The following AFF2 variants were observed in gnomAD, a reference collection of about 807,000 sequenced individuals.
The protein encoded by AFF2 is AF4/FMR2 family member 2.
In AFF2, 14 loss-of-function variants were observed where a neutral mutation model predicts 76.9. The ratio of observed to expected loss-of-function variants is 0.18; its 90% CI spans 0.12 to 0.28. The LOEUF (loss-of-function observed/expected upper bound fraction) is 0.28. Ranked by LOEUF, AFF2 falls within the 10% of genes least tolerant of loss-of-function variation. The pLI is 1.00. For missense variants in AFF2, 868 were observed against 1,001.1 expected, an observed-to-expected ratio of 0.87 and a Z score of 1.79; for synonymous variants, 398 against 366.7, an observed-to-expected ratio of 1.09 and a Z score of -0.98.
intron 4 of AFF2, among the ~76,000 whole-genome samples, chrX:148,833,197 G>A: frequency 9.0e-6 from 1 of 111,533 alleles, no homozygotes; most frequent in Admixed American, 9.5e-5. Flanking sequence ...CTAGCACAGT[G>A]ACTTTCCCCA....
intron 1 of AFF2, among the ~76,000 whole-genome samples, chrX:148,540,407 C>CTTTTTTTTTTTTTTTTTTT (rs113746311): frequency 1.1e-5 from 1 of 94,119 alleles, no homozygotes; most frequent in African/African-American, 3.9e-5. Context: ...AAAAAGTGAC[C>CTTTTTTTTTTTTTTTTTTT]TTTTTTTTTT....
At chrX:148,647,314 G>T (rs2054153734) in intron 1 of AFF2, among the ~76,000 whole-genome samples, 1 of 112,501 alleles carries the variant, frequency 8.9e-6, no homozygotes, top group African/African-American at 3.2e-5. Flanking sequence ...TATATTAGCA[G>T]TATTTTAAAA....
In AFF2 at chrX:149,000,032, G is replaced by C. The variant is rs2072657787; in HGVS notation, c.*8700G>C. ...GCCTATGCTCCCTCCCAAGTAAGTA[G>C]AGGAGCAGAACCATCAGGAACAGCC... On this transcript the variant is annotated 3_prime_UTR_variant, in exon 21 of 21. Transcript: ENST00000370460. 9.0e-6 allele frequency: 1 copy of C among 111,692 alleles called. No homozygotes were observed. Among genetic ancestry groups the C allele is most frequent in the Non-Finnish European group, 1.9e-5 (1 of 53,119 alleles). The allele number at this position is 111,692 out of a possible 1,213,427, so 9.2% of individuals were successfully genotyped here.
At chrX:148,852,844 A>G (rs1557275521) in intron 7 of AFF2, among the ~76,000 whole-genome samples, 1 of 112,153 alleles carries the variant, frequency 8.9e-6, no homozygotes, top group African/African-American at 3.2e-5. Flanking sequence ...CAATGCTGGT[A>G]GTCATATTTG....
At chrX:148,928,644 C>A (rs1403174233) in intron 9 of AFF2, among the ~76,000 whole-genome samples, 1 of 111,971 alleles carries the variant, frequency 8.9e-6, no homozygotes, top group East Asian at 2.8e-4. Context: ...TTTGGGGAGC[C>A]CATAGAGGCT....
chrX:148,793,318 C>G (rs1335078338), intron 3 of AFF2, among the ~76,000 whole-genome samples: 2 of 111,850 alleles, frequency 1.8e-5, no homozygotes, highest in Non-Finnish European at 1.9e-5. Flanking sequence ...AAAAGGTGCC[C>G]ACAGACTTTG....
At position 148,662,663 on chromosome X, in the gene AFF2, G is replaced by A. The variant is rs150391518; in HGVS notation, c.936G>A (p.Glu312=). Residue 312 remains glutamate (E), a synonymous_variant, in exon 3 of 21, where the codon GAG becomes GAA. Transcript: ENST00000370460. ...SPTLKPSIEF[E]NSFGNLSFGT... Reference sequence around the variant, plus strand: ...CACTGAAACCTTCAATTGAATTTGAGAACAGCTTTGGGAATCTGTCATTTG... The same window carrying A: ...CACTGAAACCTTCAATTGAATTTGAAAACAGCTTTGGGAATCTGTCATTTG... 5.5e-5 allele frequency: 67 copies of A among 1,210,454 alleles called. No individual in the cohort carries two copies. Among genetic ancestry groups the A allele is most frequent in the Non-Finnish European group, 7.4e-5 (66 of 895,365 alleles).
chrX:148,622,680 C>T (rs1005669774), intron 1 of AFF2, among the ~76,000 whole-genome samples: 1 of 111,513 alleles, frequency 9.0e-6, no homozygotes, highest in Non-Finnish European at 1.9e-5. Context: ...TGCTCAAGAG[C>T]TCTAAGTCAA....
chrX:148,518,008 G>A (rs1603228364), intron 1 of AFF2, among the ~76,000 whole-genome samples: 1 of 101,369 alleles, frequency 9.9e-6, no homozygotes, highest in Admixed American at 1.1e-4. Flanking sequence ...GGGCGACAGT[G>A]CATGACTCCG....
At chrX:148,874,874 T>C (rs1357696490) in intron 7 of AFF2, among the ~76,000 whole-genome samples, 2 of 111,903 alleles carry the variant, frequency 1.8e-5, no homozygotes, top group Admixed American at 9.5e-5. Flanking sequence ...TTGCCGCAAG[T>C]TGAAATTTGG....
intron 1 of AFF2, among the ~76,000 whole-genome samples, chrX:148,610,861 A>C (rs1557249400): frequency 1.8e-5 from 2 of 111,756 alleles, no homozygotes; most frequent in African/African-American, 6.5e-5. Flanking sequence ...TTTAAAATAT[A>C]TTTTATTTCT....
chrX:148,730,203 A>G (rs1264431402), intron 3 of AFF2, among the ~76,000 whole-genome samples: 1 of 112,094 alleles, frequency 8.9e-6, no homozygotes, highest in Non-Finnish European at 1.9e-5. Flanking sequence ...ATTTTATTTT[A>G]TAACATAAAT....
chrX:148,660,928 T>A (rs1202237017), intron 2 of AFF2, among the ~76,000 whole-genome samples: 2 of 112,580 alleles, frequency 1.8e-5, no homozygotes, highest in African/African-American at 6.5e-5. Flanking sequence ...CCACCATTTT[T>A]TAGTCATGAT....
intron 15 of AFF2, among the ~76,000 whole-genome samples, chrX:148,971,968 C>T (rs2072267191): frequency 4.3e-5 from 1 of 23,380 alleles, no homozygotes; most frequent in Non-Finnish European, 7.5e-5. Context: ...ATTCCCCTTC[C>T]TGTGTCCATG....
intron 3 of AFF2, among the ~76,000 whole-genome samples, chrX:148,707,498 T>A (rs868968861): frequency 9.1e-6 from 1 of 110,086 alleles, no homozygotes; most frequent in Non-Finnish European, 1.9e-5. Context: ...TATATATATT[T>A]TTTTTCCTTT....
At chrX:148,630,809 G>A (rs1557252938) in intron 1 of AFF2, among the ~76,000 whole-genome samples, 1 of 111,922 alleles carries the variant, frequency 8.9e-6, no homozygotes, top group African/African-American at 3.3e-5. Flanking sequence ...CAAATCTCTG[G>A]TTCAGCCTGA....
chrX:148,682,545 A>G (rs2054561415), intron 3 of AFF2, among the ~76,000 whole-genome samples: 1 of 109,866 alleles, frequency 9.1e-6, no homozygotes, highest in Non-Finnish European at 1.9e-5. Flanking sequence ...GGCACCAAGT[A>G]CGTATATCTT....
intron 16 of AFF2, 43 bp downstream of exon 16, chrX:148,973,650 C>G (rs1202580660): frequency 8.8e-7 from 1 of 1,135,404 alleles, no homozygotes; most frequent in Non-Finnish European, 1.2e-6. Flanking sequence ...CTCATTTCAG[C>G]TAGAATTAGA....
In AFF2 at chrX:148,998,254, T is replaced by C. The variant is rs1385327290; in HGVS notation, c.*6922T>C. On this transcript the variant is annotated 3_prime_UTR_variant, in exon 21 of 21. Transcript: ENST00000370460. Reference sequence around the variant, plus strand: ...GTAGTGGTTGTATCTGTGGCTGTGATGGTTGTTGTTACTTGTCTCTCTCTC... The same window carrying C: ...GTAGTGGTTGTATCTGTGGCTGTGACGGTTGTTGTTACTTGTCTCTCTCTC... 8.9e-6 allele frequency: 1 copy of C among 112,096 alleles called. No individual in the cohort carries two copies. The highest frequency in any genetic ancestry group is 1.9e-5 in the Non-Finnish European group (1 of 53,178). The allele number at this position is 112,096 out of a possible 1,213,427, so 9.2% of individuals were successfully genotyped here. A position where few individuals can be genotyped will look rare whatever the true frequency, so the allele number is the denominator to read the frequency against.
Sources: allele counts gnomAD v4.1 joint callset (sites outside exome capture counted in the v4.1 genomes callset), GRCh38; gene constraint gnomAD v4.1.1; transcripts MANE v1.5; gene names NCBI Gene and HGNC (gene_info 2026-07-23, HGNC 2026-07-21).